SCMH1: variants seen among roughly 807,000 people sequenced by gnomAD.
The protein encoded by SCMH1 is polycomb protein SCMH1.
A neutral mutation model predicts 70.8 loss-of-function variants in SCMH1; 37 were observed. The ratio of observed to expected loss-of-function variants is 0.52; its 90% CI spans 0.40 to 0.69. The LOEUF (loss-of-function observed/expected upper bound fraction) is 0.69, where lower values mean the gene tolerates loss of function less well. Ranked by LOEUF, SCMH1 falls within the 30% of genes least tolerant of loss-of-function variation. The pLI is 0.00. For missense variants in SCMH1, 607 were observed against 827.3 expected (o/e 0.73, Z 3.27); for synonymous variants, 292 against 307.4 (o/e 0.95, Z 0.52).
intron 1 of SCMH1, among the ~76,000 whole-genome samples, chr1:41,206,155 C>T (rs911278314): frequency 6.6e-6 from 1 of 152,176 alleles, no homozygotes; most frequent in African/African-American, 2.4e-5. Flanking sequence ...GATCGCAGCT[C>T]CTCACCAGCA....
intron 12 of SCMH1, among the ~76,000 whole-genome samples, chr1:41,044,070 T>C (rs1043278726): frequency 2.0e-5 from 3 of 152,172 alleles, no homozygotes; most frequent in Non-Finnish European, 4.4e-5. Flanking sequence ...AAAAAAGTAG[T>C]AGTCTCAACT....
intron 10 of SCMH1, among the ~76,000 whole-genome samples, chr1:41,055,804 T>C (rs562167186): frequency 2.5e-4 from 38 of 152,266 alleles, no homozygotes; most frequent in East Asian, 1.4e-3. Flanking sequence ...AAGAACCACA[T>C]TGAAGGAGGT....
intron 1 of SCMH1, among the ~76,000 whole-genome samples, chr1:41,220,032 C>G (rs2148843071): frequency 6.6e-6 from 1 of 152,088 alleles, no homozygotes; most frequent in Non-Finnish European, 1.5e-5. Flanking sequence ...TATTAATCAA[C>G]ATAAACTTCT....
At chr1:41,084,701 A>G (rs143747274) in intron 8 of SCMH1, among the ~76,000 whole-genome samples, 11,876 of 152,208 alleles carry the variant, frequency 0.078, 597 homozygotes, top group South Asian at 0.13. Context: ...AGCACTATTC[A>G]TAATAGCAAA....
At chr1:41,107,228 ATC>A (rs1292435457) in intron 8 of SCMH1, among the ~76,000 whole-genome samples, 1 of 151,774 alleles carries the variant, frequency 6.6e-6, no homozygotes, top group Non-Finnish European at 1.5e-5. Context: ...GGTTATAGAG[ATC>A]TCCAACCTCC....
rs1658580218 is a variant in SCMH1, at chr1:41,218,571, T to C, written c.-118+23488A>G. On this transcript the variant is annotated intron_variant, in intron 1 of 14. Transcript: ENST00000337495. The stretch of plus-strand genomic sequence containing the variant: ...AGTTAATACCTTAATATTAGACTTC[T>C]AGCCTCCAGACTGAGAGAATAAATT... Among the ~76,000 whole-genome samples the C allele has an allele frequency of 3.3e-5, 5 of 152,342 alleles. No homozygotes were observed. The South Asian group carries it at 8.3e-4, about 25-fold the overall frequency.
At chr1:41,116,877 G>T in intron 7 of SCMH1, 45 bp downstream of exon 7, 3 of 1,473,618 alleles carry the variant, frequency 2.0e-6, no homozygotes, top group South Asian at 2.7e-5. Flanking sequence ...CTCAATATTT[G>T]ACCTTAAGCA....
intron 10 of SCMH1, among the ~76,000 whole-genome samples, chr1:41,049,310 A>ATATG (rs5773722): frequency 6.7e-6 from 1 of 149,788 alleles, no homozygotes; most frequent in African/African-American, 2.5e-5. Flanking sequence ...GCAAGGGCAT[A>ATATG]TGTGTGTGTG....
intron 4 of SCMH1, among the ~76,000 whole-genome samples, chr1:41,154,930 T>G (rs1645385344): frequency 6.6e-6 from 1 of 152,182 alleles, no homozygotes; most frequent in African/African-American, 2.4e-5. Flanking sequence ...CATGCTGGTA[T>G]ATGATGAGAC....
chr1:41,089,787 C>CTCTTTT (rs1240914488), intron 8 of SCMH1, among the ~76,000 whole-genome samples: 3 of 58,756 alleles, frequency 5.1e-5, no homozygotes, highest in Admixed American at 2.4e-4. Flanking sequence ...CATGTTGTCT[C>CTCTTTT]TTTTTTTTTT....
intron 7 of SCMH1, among the ~76,000 whole-genome samples, chr1:41,115,627 G>A (rs538724136): frequency 2.6e-5 from 4 of 152,148 alleles, no homozygotes; most frequent in Middle Eastern, 6.8e-3. Context: ...TTCTAGAGAC[G>A]GGGTCTTGCT....
intron 10 of SCMH1, among the ~76,000 whole-genome samples, chr1:41,062,670 C>T (rs1398629728): frequency 6.7e-6 from 1 of 149,596 alleles, no homozygotes; most frequent in Non-Finnish European, 1.5e-5. Flanking sequence ...ACCCAGGAGA[C>T]GGAGGTTGCA....
intron 4 of SCMH1, among the ~76,000 whole-genome samples, chr1:41,154,741 T>C (rs1348259819): frequency 1.3e-5 from 2 of 152,236 alleles, no homozygotes. Flanking sequence ...TTAACTAACA[T>C]AGGTATAATG....
At chr1:41,053,702 C>T (rs958108662) in intron 10 of SCMH1, among the ~76,000 whole-genome samples, 6 of 152,156 alleles carry the variant, frequency 3.9e-5, no homozygotes, top group Admixed American at 6.5e-5. Context: ...TAGGGTGCTG[C>T]AGTAACAAAA....
chr1:41,224,253 A>G (rs1659851362), intron 1 of SCMH1, among the ~76,000 whole-genome samples: 1 of 152,160 alleles, frequency 6.6e-6, no homozygotes, highest in African/African-American at 2.4e-5. Context: ...ACTGTATTAT[A>G]ATTTATTTGT....
intron 2 of SCMH1, among the ~76,000 whole-genome samples, chr1:41,167,378 C>T (rs982435056): frequency 6.6e-6 from 1 of 152,106 alleles, no homozygotes; most frequent in African/African-American, 2.4e-5. Flanking sequence ...TACTGCTGGC[C>T]TCATAAAATA....
chr1:41,050,332 A>T (rs1647629060), intron 10 of SCMH1, among the ~76,000 whole-genome samples: 1 of 152,184 alleles, frequency 6.6e-6, no homozygotes, highest in Non-Finnish European at 1.5e-5. Context: ...GAAGGGGTAG[A>T]AGGGCAAAAG....
chr1:41,073,956 G>A (rs1657384926), intron 9 of SCMH1, among the ~76,000 whole-genome samples: 1 of 152,042 alleles, frequency 6.6e-6, no homozygotes, highest in Admixed American at 6.6e-5. Flanking sequence ...TCTCCATACT[G>A]GAACTCAGGT....
At chr1:41,179,322 C>A (rs1193056140) in intron 2 of SCMH1, among the ~76,000 whole-genome samples, 1 of 152,090 alleles carries the variant, frequency 6.6e-6, no homozygotes, top group Admixed American at 6.6e-5. Flanking sequence ...AAAGCAAGAG[C>A]AAACACATTC....
Sources: allele counts gnomAD v4.1 joint callset (sites outside exome capture counted in the v4.1 genomes callset), GRCh38; gene constraint gnomAD v4.1.1; transcripts MANE v1.5; gene names NCBI Gene and HGNC (gene_info 2026-07-23, HGNC 2026-07-21).